Variants in OCA2 observed in about 807,000 individuals in gnomAD.
OCA2 encodes OCA2 melanosomal transmembrane protein, also known as P protein.
Under a neutral mutation model 100.2 loss-of-function variants are expected in OCA2, and 77 were observed. The observed-to-expected ratio is 0.77, with a 90% CI of 0.64 to 0.93. The LOEUF is 0.93. Among genes scored for constraint, OCA2 ranks in the 40% least tolerant of loss-of-function variants. The pLI is 0.00. For missense variants in OCA2, 1,062 were observed against 1,089.1 expected, an observed-to-expected ratio of 0.98 and a Z score of 0.35; for synonymous variants, 432 against 439.2, an observed-to-expected ratio of 0.98 and a Z score of 0.21.
intron 19 of OCA2, among the ~76,000 whole-genome samples, chr15:27,873,640 T>C (rs2036672647): frequency 6.6e-6 from 1 of 152,222 alleles, no homozygotes; most frequent in Non-Finnish European, 1.5e-5. Context: ...TAGACATTTA[T>C]ATTTACATAT....
At chr15:27,862,144 C>T (rs1028869271) in intron 21 of OCA2, among the ~76,000 whole-genome samples, 3 of 151,958 alleles carry the variant, frequency 2.0e-5, no homozygotes, top group Non-Finnish European at 2.9e-5. Context: ...CTCAAGTCCT[C>T]ATGGACAGAA....
At position 27,806,461 on chromosome 15, in the gene OCA2, A is replaced by C. The variant is rs2033853393; in HGVS notation, c.2432+38498T>G. ...TAAGCAAGGGAATTCAGACGTGAGCATAGGTGGCACCCCGGCTCCGCTCCC... is the reference window on the plus strand; with the variant it reads ...TAAGCAAGGGAATTCAGACGTGAGCCTAGGTGGCACCCCGGCTCCGCTCCC... On this transcript the variant is annotated intron_variant, in intron 23 of 23. Coordinates refer to ENST00000354638, the MANE Select transcript of OCA2 (RefSeq NM_000275.3). 2.0e-5 allele frequency among the ~76,000 whole-genome samples: 3 copies of C among 152,162 alleles called. No homozygotes were observed. The South Asian group carries it at 6.2e-4, about 32-fold the overall frequency.
At chr15:28,044,941 G>T in intron 2 of OCA2, among the ~76,000 whole-genome samples, 1 of 151,908 alleles carries the variant, frequency 6.6e-6, no homozygotes. Context: ...ACTTAGAATT[G>T]GTTCCTTTAT....
At chr15:27,870,815 AGAG>A in intron 21 of OCA2, among the ~76,000 whole-genome samples, 1 of 151,428 alleles carries the variant, frequency 6.6e-6, no homozygotes, top group African/African-American at 2.4e-5. Context: ...AAAGAAAGAG[AGAG>A]AGAAAGAAAG....
At chr15:27,931,225 A>G (rs75955186) in intron 18 of OCA2, among the ~76,000 whole-genome samples, 2 of 24,250 alleles carry the variant, frequency 8.2e-5, no homozygotes, top group African/African-American at 2.2e-4. Context: ...ATTTGAGGGG[A>G]AAAAAAAATC....
chr15:27,980,968 C>T (rs764410747), intron 14 of OCA2, among the ~76,000 whole-genome samples: 2 of 152,130 alleles, frequency 1.3e-5, no homozygotes, highest in Non-Finnish European at 2.9e-5. Context: ...TTTTCCGTTC[C>T]CCTCTCTCCT....
At chr15:27,842,578 A>G (rs1457857205) in intron 23 of OCA2, among the ~76,000 whole-genome samples, 4 of 152,198 alleles carry the variant, frequency 2.6e-5, no homozygotes, top group African/African-American at 9.7e-5. Flanking sequence ...AACTGCTCTG[A>G]TTTCTGCACA....
chr15:27,854,766 C>T (rs1334835144), intron 21 of OCA2, among the ~76,000 whole-genome samples: 1 of 152,186 alleles, frequency 6.6e-6, no homozygotes, highest in Non-Finnish European at 1.5e-5. Flanking sequence ...TGTGAGGCCA[C>T]GGGGCCCCTA....
chr15:28,027,666 C>T (rs1027384301), intron 4 of OCA2, among the ~76,000 whole-genome samples: 2 of 152,210 alleles, frequency 1.3e-5, no homozygotes, highest in African/African-American at 4.8e-5. Context: ...TTGTCCTCTC[C>T]GGCGCTGCAT....
chr15:28,055,688 C>A (rs111884664), intron 2 of OCA2, among the ~76,000 whole-genome samples: 14,042 of 152,226 alleles, frequency 0.092, 831 homozygotes, highest in African/African-American at 0.16. Flanking sequence ...GTATGGCCAG[C>A]GGGGAGCCAA....
intron 23 of OCA2, among the ~76,000 whole-genome samples, chr15:27,825,632 A>G (rs910840340): frequency 6.6e-6 from 1 of 152,170 alleles, no homozygotes; most frequent in East Asian, 1.9e-4. Context: ...TTCGCACAGG[A>G]CAGACGCCAA....
intron 9 of OCA2, among the ~76,000 whole-genome samples, chr15:28,005,978 G>A (rs1028636463): frequency 6.6e-6 from 1 of 152,166 alleles, no homozygotes; most frequent in Non-Finnish European, 1.5e-5. Flanking sequence ...ACCCTGGTGA[G>A]AAATGTGGAC....
chr15:27,903,231 G>C lies in OCA2; in HGVS notation c.2079+22896C>G, dbSNP rs1198499718. ...AGCAGGCTTTCGCGTAAGTCCCGAC[G>C]GTCTGTCCTCACCCAGCTGTGTGTG... is the stretch of plus-strand genomic sequence containing the variant. On this transcript the variant is annotated intron_variant, in intron 19 of 23. Transcript: ENST00000354638. Among the ~76,000 whole-genome samples the C allele has an allele frequency of 5.3e-5, 8 of 152,302 alleles. No individual in the cohort carries two copies. In the Middle Eastern group the frequency reaches 0.01, roughly 194 times the overall value.
chr15:28,029,292 CAT>C (rs1163967834), intron 3 of OCA2, among the ~76,000 whole-genome samples: 5 of 152,116 alleles, frequency 3.3e-5, no homozygotes, highest in African/African-American at 1.2e-4. Flanking sequence ...CAAGATAACA[CAT>C]GACTTTGAAA....
At chr15:27,758,637 G>T (rs1032770801) in intron 23 of OCA2, among the ~76,000 whole-genome samples, 4 of 152,170 alleles carry the variant, frequency 2.6e-5, no homozygotes, top group Admixed American at 6.5e-5. Context: ...TCTCAGACAA[G>T]AAATTAAAAC....
At chr15:28,008,758 A>T (rs983109380) in intron 9 of OCA2, among the ~76,000 whole-genome samples, 4 of 152,238 alleles carry the variant, frequency 2.6e-5, no homozygotes, top group African/African-American at 9.6e-5. Flanking sequence ...TTTCAAACAG[A>T]GCAGATGAGA....
At chr15:28,093,059 C>T (rs753519034) in intron 1 of OCA2, among the ~76,000 whole-genome samples, 85 of 152,116 alleles carry the variant, frequency 5.6e-4, no homozygotes, top group Middle Eastern at 6.8e-3. Flanking sequence ...CAACTAAGCA[C>T]GTGAGAAGAC....
chr15:28,016,228 T>A, intron 7 of OCA2, 42 bp from the exon 8 acceptor site: 1 of 1,466,688 alleles, frequency 6.8e-7, no homozygotes, highest in Non-Finnish European at 9.6e-7. Context: ...GCTTTTCACC[T>A]GAGACACCAT....
At chr15:27,868,804 A>G (rs999939390) in intron 21 of OCA2, among the ~76,000 whole-genome samples, 21 of 152,368 alleles carry the variant, frequency 1.4e-4, no homozygotes, top group African/African-American at 4.8e-4. Flanking sequence ...ATATTATCAC[A>G]GGTATACACA....
Sources: gnomAD v4.1 joint callset for allele counts (sites outside exome capture counted in the v4.1 genomes callset) on GRCh38, gnomAD v4.1.1 for gene constraint, MANE v1.5 for transcripts, NCBI Gene and HGNC (gene_info 2026-07-23, HGNC 2026-07-21) for gene names.